Variants in STK32C observed in about 807,000 individuals in gnomAD.
The protein encoded by STK32C is serine/threonine kinase 32C.
In STK32C, 31 loss-of-function variants were observed where a neutral mutation model predicts 56.5. That is an observed-to-expected ratio of 0.55 (90% CI 0.41 to 0.74). The LOEUF (loss-of-function observed/expected upper bound fraction) is 0.74, where lower values mean the gene tolerates loss of function less well. Ranked by LOEUF, STK32C falls within the 30% of genes least tolerant of loss-of-function variation. STK32C has a pLI of 0.00. For synonymous variants in STK32C, 309 were observed against 289.4 expected (o/e 1.07, Z -0.69); for missense variants, 544 against 676.9 (o/e 0.80, Z 2.18).
At chr10:132,320,484 C>G (rs1455889752), downstream of STK32C, among the ~76,000 whole-genome samples, 1 of 151,950 alleles carries the variant, frequency 6.6e-6, no homozygotes. Context: ...GGAGACCCGT[C>G]TATAATAGGT....
rs189138336 is a variant in STK32C, at chr10:132,290,813, G to A, written c.262+16759C>T. 1.4e-3 allele frequency among the ~76,000 whole-genome samples: 215 copies of A among 152,118 alleles called. 2 individuals are homozygous for A. The highest frequency in any genetic ancestry group is 6.8e-3 in the Middle Eastern group (2 of 294). Reference sequence around the variant, plus strand: ...ACCACATCCAGGGCCATCATGCCCAGGGCTACCATGCTCGAGGGCACCCAA... The same window carrying A: ...ACCACATCCAGGGCCATCATGCCCAAGGCTACCATGCTCGAGGGCACCCAA... On this transcript the variant is annotated intron_variant, in intron 1 of 11. Transcript: ENST00000298630.
chr10:132,256,929 T>C (rs1415189003), intron 1 of STK32C, among the ~76,000 whole-genome samples: 1 of 151,820 alleles, frequency 6.6e-6, no homozygotes, highest in Non-Finnish European at 1.5e-5. Context: ...GCCTAGCCAG[T>C]GGGGGGGACG....
At chr10:132,237,739 G>T (rs1020894344) in intron 2 of STK32C, among the ~76,000 whole-genome samples, 5 of 152,138 alleles carry the variant, frequency 3.3e-5, no homozygotes, top group Admixed American at 3.3e-4. Context: ...GGGCTGGCCC[G>T]GTGTGGCTTC....
chr10:132,212,831 G>A (rs1406845989), intron 10 of STK32C, among the ~76,000 whole-genome samples: 2 of 152,208 alleles, frequency 1.3e-5, no homozygotes, highest in Non-Finnish European at 2.9e-5. Context: ...GACTTTTCCT[G>A]GACCTATCAG....
chr10:132,233,450 C>T (rs2063168585), intron 2 of STK32C, among the ~76,000 whole-genome samples: 1 of 152,212 alleles, frequency 6.6e-6, no homozygotes. Flanking sequence ...AGTGGGAATC[C>T]GTTTTGGGGT....
chr10:132,240,929 C>T (rs897605512), intron 2 of STK32C, among the ~76,000 whole-genome samples: 37 of 152,296 alleles, frequency 2.4e-4, no homozygotes, highest in African/African-American at 7.2e-4. Context: ...CCTAGAGACA[C>T]GCCTCTGCCT....
chr10:132,216,704 A>T lies in STK32C; in HGVS notation c.1251+5937T>A, dbSNP rs527990226. The stretch of plus-strand genomic sequence containing the variant: ...TGTGTGCAGTCTAGGGACTTGCTGC[A>T]CTGCATCCCAGCTGCTCCAGCCATG... On this transcript the variant is annotated intron_variant, in intron 10 of 11. Coordinates refer to ENST00000298630, the MANE Select transcript of STK32C (RefSeq NM_173575.4). 2.0e-5 allele frequency among the ~76,000 whole-genome samples: 3 copies of T among 152,302 alleles called. No homozygotes were observed. The East Asian group carries it at 5.8e-4, about 29-fold the overall frequency.
At position 132,264,564 on chromosome 10, in the gene STK32C, G is replaced by A. The variant is rs188908349; in HGVS notation, c.263-18609C>T. ...ACGGCCTCAGGGAGAGGAGGGACCCGGGCCAGGACCCCTCCAGGACCCTCT... is the reference window on the plus strand; with the variant it reads ...ACGGCCTCAGGGAGAGGAGGGACCCAGGCCAGGACCCCTCCAGGACCCTCT... On this transcript the variant is annotated intron_variant, in intron 1 of 11. Coordinates refer to ENST00000298630, the MANE Select transcript of STK32C (RefSeq NM_173575.4). 3.5e-3 allele frequency among the ~76,000 whole-genome samples: 530 copies of A among 152,306 alleles called. 8 individuals carry two copies. Among genetic ancestry groups the A allele is most frequent in the Non-Finnish European group, 2.5e-3 (170 of 68,020 alleles).
chr10:132,222,389 G>C (rs889992142), intron 10 of STK32C, among the ~76,000 whole-genome samples: 2 of 152,242 alleles, frequency 1.3e-5, no homozygotes, highest in Admixed American at 6.5e-5. Flanking sequence ...AAGCACGAAG[G>C]CTTCACATGG....
At chr10:132,236,997 G>C (rs1045480286) in intron 2 of STK32C, among the ~76,000 whole-genome samples, 1 of 152,184 alleles carries the variant, frequency 6.6e-6, no homozygotes. Flanking sequence ...GTTGTATCAC[G>C]GAAACCCTGT....
intron 1 of STK32C, among the ~76,000 whole-genome samples, chr10:132,325,294 T>G (rs1007651741): frequency 1.3e-5 from 2 of 152,138 alleles, no homozygotes; most frequent in African/African-American, 4.8e-5. Context: ...GGCTCACACC[T>G]GTAATCCCAG....
chr10:132,240,234 G>A (rs532238538), intron 2 of STK32C, among the ~76,000 whole-genome samples: 1 of 152,366 alleles, frequency 6.6e-6, no homozygotes, highest in East Asian at 1.9e-4. Flanking sequence ...TTCTCAGCCA[G>A]TGCTGCTCGC....
At chr10:132,282,771 C>T (rs986663832) in intron 1 of STK32C, among the ~76,000 whole-genome samples, 1 of 152,258 alleles carries the variant, frequency 6.6e-6, no homozygotes, top group Non-Finnish European at 1.5e-5. Flanking sequence ...TAGCCACCAG[C>T]AGCCACTCCT....
rs1008689058 is a variant in STK32C, at chr10:132,255,482, G to A, written c.263-9527C>T. Among the ~76,000 whole-genome samples, 10 of 152,184 alleles carry A rather than the reference G, an allele frequency of 6.6e-5. No individual in the cohort carries two copies. Among genetic ancestry groups the A allele is most frequent in the Non-Finnish European group, 1.0e-4 (7 of 68,036 alleles). On this transcript the variant is annotated intron_variant, in intron 1 of 11. Coordinates refer to ENST00000298630, the MANE Select transcript of STK32C (RefSeq NM_173575.4). This position sits in a 1 kb window ranked among gnomAD's most constrained non-coding sequence, Gnocchi z 4.6. ...CACCACGCTGACGGGCAGGGTTGAC[G>A]CAGATGGGGACAAGACAGGTGGGGG...
chr10:132,261,735 A>G (rs1169903368), intron 1 of STK32C, among the ~76,000 whole-genome samples: 1 of 152,208 alleles, frequency 6.6e-6, no homozygotes, highest in Admixed American at 6.5e-5. Flanking sequence ...ACTGCACTCC[A>G]GCCTGGGCAA....
intron 1 of STK32C, among the ~76,000 whole-genome samples, chr10:132,288,382 C>A (rs1384147858): frequency 3.3e-5 from 5 of 152,240 alleles, no homozygotes; most frequent in Admixed American, 6.5e-5. Flanking sequence ...AAACTTCTTT[C>A]TCCAAAACCA....
intron 1 of STK32C, among the ~76,000 whole-genome samples, chr10:132,286,512 A>C (rs1296267821): frequency 6.6e-6 from 1 of 152,232 alleles, no homozygotes; most frequent in Non-Finnish European, 1.5e-5. Flanking sequence ...TAATGAACAC[A>C]GATGTAAAAA....
chr10:132,308,510 C>T (rs888911962), upstream of STK32C, among the ~76,000 whole-genome samples: 3 of 139,284 alleles, frequency 2.2e-5, no homozygotes, highest in South Asian at 7.7e-4. Flanking sequence ...GGGAATCTGC[C>T]GGGCAGAGCC....
At chr10:132,266,696 C>T (rs1054368193) in intron 1 of STK32C, among the ~76,000 whole-genome samples, 6 of 151,606 alleles carry the variant, frequency 4.0e-5, no homozygotes, top group South Asian at 2.1e-4. Context: ...GAGGAAGGAA[C>T]GCGGGCGTGG....
Sources: gnomAD v4.1 joint callset for allele counts (sites outside exome capture counted in the v4.1 genomes callset) on GRCh38, gnomAD v4.1.1 for gene constraint, Gnocchi (gnomAD v3.1) non-coding constraint, MANE v1.5 for transcripts, NCBI Gene and HGNC (gene_info 2026-07-23, HGNC 2026-07-21) for gene names.